The following ACOD1 variants were observed in gnomAD, a reference collection of about 807,000 sequenced individuals.
The protein encoded by ACOD1 is cis-aconitate decarboxylase.
In ACOD1, 14 loss-of-function variants were observed where a neutral mutation model predicts 14.2. The ratio of observed to expected loss-of-function variants is 0.99; its 90% CI spans 0.65 to 1.54. The LOEUF (loss-of-function observed/expected upper bound fraction) is 1.54, where lower values mean the gene tolerates loss of function less well. Among genes scored for constraint, ACOD1 ranks in the 40% most tolerant of loss-of-function variants. ACOD1 has a pLI of 0.00. For synonymous variants in ACOD1, 182 were observed against 221.7 expected, an observed-to-expected ratio of 0.82 and a Z score of 1.59; for missense variants, 530 against 586.3, an observed-to-expected ratio of 0.90 and a Z score of 0.99.
At position 76,957,711 on chromosome 13, in the gene ACOD1, C is replaced by A; in HGVS notation, c.1172C>A (p.Thr391Asn). ...ATACTGTACTGTGAAATAAGTGTCA[C>A]CCTCAAGGATGGAGCCACCTTCACA... ...FNILYCEISV[T>N]LKDGATFTDR... Residue 391 changes from threonine (T) to asparagine (N), a missense_variant, in exon 5 of 5, where the codon ACC (threonine) becomes AAC (asparagine). Thr to Asn is a moderately conservative substitution (Grantham distance 65). Transcript: ENST00000377462. 1 of 1,550,636 alleles carries A rather than the reference C, an allele frequency of 6.4e-7. No individual in the cohort carries two copies. The highest frequency in any genetic ancestry group is 8.7e-7 in the Non-Finnish European group (1 of 1,147,008).
chr13:76,953,407 T>C (rs2033842458), intron 2 of ACOD1, among the ~76,000 whole-genome samples, 193 bp from the exon 3 acceptor site: 1 of 152,144 alleles, frequency 6.6e-6, no homozygotes, highest in Non-Finnish European at 1.5e-5. Context: ...CAACGACATC[T>C]CCTCCCCCTT....
chr13:76,956,307 T>C (rs1406453213), intron 4 of ACOD1, among the ~76,000 whole-genome samples: 5 of 152,188 alleles, frequency 3.3e-5, no homozygotes, highest in African/African-American at 1.2e-4. Flanking sequence ...GTTCAAGTGA[T>C]TCTCCTGCCT....
At position 76,955,392 on chromosome 13, in the gene ACOD1, C is replaced by A; in HGVS notation, c.338C>A (p.Thr113Lys). 6.4e-7 allele frequency: 1 copy of A among 1,550,640 alleles called. No homozygotes were observed. The highest frequency in any genetic ancestry group is 1.2e-5 in the South Asian group (1 of 84,058). The part of the protein sequence containing the change: ...HPSGAVLPVL[T>K]ALAEALPRSP... ...TCTGGGGCTGTCCTTCCTGTCCTCACAGCTTTAGCAGAAGCCCTGCCAAGG... is the reference window on the plus strand; with the variant it reads ...TCTGGGGCTGTCCTTCCTGTCCTCAAAGCTTTAGCAGAAGCCCTGCCAAGG... The change falls in exon 4 of 5, where the codon ACA (threonine) becomes AAA (lysine). Residue 113 changes from threonine to lysine, a missense_variant. Physicochemically the swap from Thr to Lys is moderately conservative, Grantham distance 78 (BLOSUM62 -1). Transcript: ENST00000377462.
intron 3 of ACOD1, among the ~76,000 whole-genome samples, chr13:76,954,584 G>A (rs770616743): frequency 1.8e-4 from 27 of 152,144 alleles, no homozygotes; most frequent in Non-Finnish European, 3.5e-4. Flanking sequence ...AAAACGTATG[G>A]CCTCATATGG....
At chr13:76,952,460 TC>T in intron 1 of ACOD1, 28 bp from the exon 2 acceptor site, 1 of 1,545,680 alleles carries the variant, frequency 6.5e-7, no homozygotes, top group South Asian at 1.2e-5. Flanking sequence ...GTGGGGTGTA[TC>T]CCTGTCCTAA....
chr13:76,957,950 C>G lies in ACOD1; in HGVS notation c.1411C>G (p.Pro471Ala). ...PSPPEVASNS[P>A]ACNNSITNLS ...TCCACCAGAGGTAGCTTCAAACTCT[C>G]CAGCATGTAATAATTCTATCACAAA... Residue 471 changes from proline to alanine, a missense_variant, in exon 5 of 5, where the codon CCA becomes GCA. By Grantham distance (27) the Pro-to-Ala change is conservative. Coordinates refer to ENST00000377462, the MANE Select transcript of ACOD1 (RefSeq NM_001258406.2). 1.3e-6 allele frequency: 2 copies of G among 1,541,710 alleles called. No homozygotes were observed. The highest frequency in any genetic ancestry group is 8.7e-7 in the Non-Finnish European group (1 of 1,144,364).
At chr13:76,952,399 T>G in intron 1 of ACOD1, 90 bp from the exon 2 acceptor site, 8 of 1,148,276 alleles carry the variant, frequency 7.0e-6, no homozygotes, top group Non-Finnish European at 9.6e-6. Context: ...GCAAAACTCT[T>G]TATGCAAAAG....
chr13:76,952,790 T>C, intron 2 of ACOD1, 140 bp downstream of exon 2: 1 of 700,220 alleles, frequency 1.4e-6, no homozygotes, highest in Non-Finnish European at 2.3e-6. Context: ...CTATGTTCCA[T>C]TATCTGAGTT....
Position 76,948,555 on chromosome 13 carries a change from C to G in ACOD1, c.-4C>G. On this transcript the variant is annotated 5_prime_UTR_variant, in exon 1 of 5. Transcript: ENST00000377462. ...CCTGAACTGAACCTCTTCTTTACAACGAAATGATGCTCAAGGTATTGTAGC... is the reference window on the plus strand; with the variant it reads ...CCTGAACTGAACCTCTTCTTTACAAGGAAATGATGCTCAAGGTATTGTAGC... The G allele has an allele frequency of 1.9e-6, 3 of 1,548,248 alleles. No individual in the cohort carries two copies. The highest frequency in any genetic ancestry group is 2.6e-6 in the Non-Finnish European group (3 of 1,145,658).
rs866179710 is a variant in ACOD1, at chr13:76,952,553, T to C, written c.77T>C (p.Val26Ala). 1.3e-6 allele frequency: 2 copies of C among 1,550,416 alleles called. No individual in the cohort carries two copies. Among genetic ancestry groups the C allele is most frequent in the Non-Finnish European group, 8.7e-7 (1 of 1,146,948 alleles). The change falls in exon 2 of 5, where the codon GTT (valine) becomes GCT (alanine). Residue 26 changes from valine to alanine, a missense_variant. Val to Ala is a moderately conservative substitution (Grantham distance 64, BLOSUM62 0). Coordinates refer to ENST00000377462, the MANE Select transcript of ACOD1 (RefSeq NM_001258406.2). ...GLKVGHLTDR[V>A]IQRSKRMILD... Reference sequence around the variant, plus strand: ...AAAGTGGGACACCTGACAGATCGTGTTATTCAGAGGAGCAAGAGGATGATT... The same window carrying C: ...AAAGTGGGACACCTGACAGATCGTGCTATTCAGAGGAGCAAGAGGATGATT...
intron 1 of ACOD1, among the ~76,000 whole-genome samples, chr13:76,948,943 G>A (rs926035270): frequency 2.6e-5 from 4 of 152,186 alleles, no homozygotes; most frequent in African/African-American, 9.6e-5. Flanking sequence ...TGGCAGTCTT[G>A]AGAGCTTAGA....
chr13:76,956,403 T>C (rs534266562), intron 4 of ACOD1, among the ~76,000 whole-genome samples: 39 of 152,252 alleles, frequency 2.6e-4, no homozygotes, highest in African/African-American at 8.4e-4. Context: ...GGTTTCGTCA[T>C]GTTGGCCAGG....
intron 1 of ACOD1, among the ~76,000 whole-genome samples, chr13:76,950,978 C>T (rs1303657991): frequency 6.6e-6 from 1 of 152,134 alleles, no homozygotes; most frequent in Non-Finnish European, 1.5e-5. Context: ...TTGGCCCTTG[C>T]TTCCACTTCT....
chr13:76,956,792 C>T (rs985892330), intron 4 of ACOD1, among the ~76,000 whole-genome samples: 2 of 152,202 alleles, frequency 1.3e-5, no homozygotes, highest in African/African-American at 4.8e-5. Context: ...GGATTACAGG[C>T]ATGAACCACC....
At position 76,957,141 on chromosome 13, in the gene ACOD1, A is replaced by T. The variant is rs2033885033; in HGVS notation, c.602A>T (p.Asn201Ile). Residue 201 changes from asparagine (N) to isoleucine (I), a missense_variant, in exon 5 of 5, where the codon AAT becomes ATT. Physicochemically the swap from Asn to Ile is moderately radical, Grantham distance 149. Coordinates refer to ENST00000377462, the MANE Select transcript of ACOD1 (RefSeq NM_001258406.2). The stretch of plus-strand genomic sequence containing the variant: ...TCCCATGCTGGGGCACCCATGGCCA[A>T]TGCTGCCACCCAGACCAAGCCCCTC... ...AVSHAGAPMA[N>I]AATQTKPLHI... 6.4e-7 allele frequency: 1 copy of T among 1,550,548 alleles called. No individual in the cohort carries two copies. The highest frequency in any genetic ancestry group is 8.7e-7 in the Non-Finnish European group (1 of 1,147,022).
chr13:76,955,446 T>C lies in ACOD1; in HGVS notation c.392T>C (p.Leu131Pro). The change falls in exon 4 of 5, where the codon CTG becomes CCG. Residue 131 changes from leucine (L) to proline (P), a missense_variant. Physicochemically the swap from Leu to Pro is moderately conservative, Grantham distance 98 (BLOSUM62 -3). Transcript: ENST00000377462. ...RSPKFSGLDL[L>P]LAFNVGIEVQ... Reference sequence around the variant, plus strand: ...CCAAAGTTTTCTGGCCTTGACCTGCTGCTGGCTTTCAATGTTGGTATTGAA... The same window carrying C: ...CCAAAGTTTTCTGGCCTTGACCTGCCGCTGGCTTTCAATGTTGGTATTGAA... 2.6e-6 allele frequency: 4 copies of C among 1,550,686 alleles called. No homozygotes were observed. The highest frequency in any genetic ancestry group is 3.5e-6 in the Non-Finnish European group (4 of 1,147,006).
In ACOD1 at chr13:76,955,513, C is replaced by T; in HGVS notation, c.459C>T (p.Asp153=). 1 of 1,550,634 alleles carries T rather than the reference C, an allele frequency of 6.4e-7. No individual in the cohort carries two copies. The highest frequency in any genetic ancestry group is 8.7e-7 in the Non-Finnish European group (1 of 1,146,982). The change falls in exon 4 of 5, where the codon GAC becomes GAT. Residue 153 remains aspartate, a synonymous_variant. Transcript: ENST00000377462. ...RLLHFAKEAN[D]MPKRFHPPSV... ...TGCATTTCGCCAAGGAGGCCAATGA[C>T]ATGCCAAAGAGGTATGGAGAGAATT...
chr13:76,957,276 A>G lies in ACOD1; in HGVS notation c.737A>G (p.Tyr246Cys). 4 of 1,550,602 alleles carry G rather than the reference A, an allele frequency of 2.6e-6. No homozygotes were observed. The South Asian group carries it at 4.8e-5, about 18-fold the overall frequency. Reference sequence around the variant, plus strand: ...TTGGAGGCAGGATTTGGGGCCTTTTATGCCAACTATTCCCCAAAAGTCCTT... The same window carrying G: ...TTGGAGGCAGGATTTGGGGCCTTTTGTGCCAACTATTCCCCAAAAGTCCTT... ...LDLEAGFGAF[Y>C]ANYSPKVLPS... The change falls in exon 5 of 5, where the codon TAT (tyrosine) becomes TGT (cysteine). Residue 246 changes from tyrosine (Y) to cysteine (C), a missense_variant. Transcript: ENST00000377462.
At chr13:76,949,552 A>G (rs1238245914) in intron 1 of ACOD1, among the ~76,000 whole-genome samples, 3 of 152,036 alleles carry the variant, frequency 2.0e-5, no homozygotes, top group Non-Finnish European at 4.4e-5. Context: ...ACCTTCCTGT[A>G]TCACCAGCAG....
Sources: allele counts gnomAD v4.1 joint callset (sites outside exome capture counted in the v4.1 genomes callset), GRCh38; gene constraint gnomAD v4.1.1; transcripts MANE v1.5; gene names NCBI Gene and HGNC (gene_info 2026-07-23, HGNC 2026-07-21).